The following THSD1 variants were observed in gnomAD, a reference collection of about 807,000 sequenced individuals.
THSD1 encodes thrombospondin type 1 domain containing 1.
In THSD1, 34 loss-of-function variants were observed where a neutral mutation model predicts 46.3. That is an observed-to-expected ratio of 0.74 (90% confidence interval 0.56 to 0.98). The LOEUF is 0.98. Ranked by LOEUF, THSD1 falls within the 50% of genes least tolerant of loss-of-function variation. The pLI is 0.00. For synonymous variants in THSD1, 407 were observed against 416.5 expected (o/e 0.98, Z 0.28); for missense variants, 1,023 against 1,058.3 (o/e 0.97, Z 0.46).
chr13:52,396,462 C>T (rs771710550), intron 3 of THSD1, among the ~76,000 whole-genome samples: 1 of 152,092 alleles, frequency 6.6e-6, no homozygotes, highest in Non-Finnish European at 1.5e-5. Flanking sequence ...GCAGAGCTTG[C>T]AGTGAGCCGA....
chr13:52,396,614 A>C (rs2137743471), intron 3 of THSD1, among the ~76,000 whole-genome samples: 1 of 152,364 alleles, frequency 6.6e-6, no homozygotes, highest in African/African-American at 2.4e-5. Flanking sequence ...CTTTCCCCCA[A>C]GAAAAGGGAA....
chr13:52,399,285 G>A (rs897742608), intron 2 of THSD1, among the ~76,000 whole-genome samples: 1 of 152,140 alleles, frequency 6.6e-6, no homozygotes, highest in Non-Finnish European at 1.5e-5. Context: ...TTTCTATTTT[G>A]AATCCCATCC....
chr13:52,403,921 TC>T (rs1394875120), intron 1 of THSD1, among the ~76,000 whole-genome samples: 1 of 147,018 alleles, frequency 6.8e-6, no homozygotes. Context: ...ATGTTTAAGG[TC>T]CCCCCCATTA....
chr13:52,390,906 G>GA lies in THSD1; in HGVS notation c.1022-4721dup, dbSNP rs1443039876. ...ATAAAAATTCCACTAGTGAGGATCA[G>GA]AAAAAAAATCAGTTTTGATTTAAAA... On this transcript the variant is annotated intron_variant, in intron 3 of 4. Transcript: ENST00000258613. Among the ~76,000 whole-genome samples, 5 of 151,290 alleles carry GA rather than the reference G, an allele frequency of 3.3e-5. No individual in the cohort carries two copies. In the East Asian group the frequency reaches 5.8e-4, roughly 18 times the overall value.
intron 4 of THSD1, 102 bp downstream of exon 4, chr13:52,385,926 A>G: frequency 9.4e-7 from 1 of 1,059,618 alleles, no homozygotes; most frequent in Non-Finnish European, 1.4e-6. Context: ...TAATGAGTCT[A>G]CTCCTGATCT....
intron 1 of THSD1, among the ~76,000 whole-genome samples, chr13:52,403,334 A>G (rs957603518): frequency 8.5e-5 from 13 of 152,160 alleles, no homozygotes; most frequent in Non-Finnish European, 1.9e-4. Context: ...AATAACAATC[A>G]TCTTCATCAG....
chr13:52,378,385 T>A lies in THSD1; in HGVS notation c.1585A>T (p.Ser529Cys), dbSNP rs747345437. ...AACTGCTGCTGGGCAAGGCGGTAGC[T>A]GAACAGAGGTGGGATTATCTTCTGG... Reference protein sequence around the residue: ...NAQKIIPPLFSYRLAQQQLKE... With the variant: ...NAQKIIPPLFCYRLAQQQLKE... The change falls in exon 5 of 5, where the codon AGC becomes TGC. Residue 529 changes from serine (S) to cysteine (C), a missense_variant. By Grantham distance (112) the Ser-to-Cys change is moderately radical (BLOSUM62 -1). Coordinates refer to ENST00000258613, the MANE Select transcript of THSD1 (RefSeq NM_018676.4). 1.2e-6 allele frequency: 2 copies of A among 1,614,090 alleles called. No individual in the cohort carries two copies. Among genetic ancestry groups the A allele is most frequent in the Admixed American group, 3.3e-5 (2 of 60,020 alleles).
chr13:52,397,192 A>G, intron 3 of THSD1, 40 bp downstream of exon 3: 1 of 1,475,210 alleles, frequency 6.8e-7, no homozygotes, highest in South Asian at 1.4e-5. Context: ...GATTACATGA[A>G]GGATTTGATT....
At chr13:52,382,075 A>G (rs1395970255) in intron 4 of THSD1, among the ~76,000 whole-genome samples, 2 of 152,210 alleles carry the variant, frequency 1.3e-5, no homozygotes, top group South Asian at 4.1e-4. Flanking sequence ...TTTAGAGAGA[A>G]GAGCATGAAT....
At position 52,377,983 on chromosome 13, in the gene THSD1, G is replaced by C. The variant is rs551386140; in HGVS notation, c.1987C>G (p.Arg663Gly). The change falls in exon 5 of 5, where the codon CGG becomes GGG. Residue 663 changes from arginine (R) to glycine (G), a missense_variant. By Grantham distance (125) the Arg-to-Gly change is moderately radical. This residue lies in a region of THSD1 where 578 missense variants were observed against 497.4 expected (regional missense o/e 1.16). Transcript: ENST00000258613. ...TASFHEARQARPFRERSMSTL... is the reference protein window; with the variant it reads ...TASFHEARQAGPFRERSMSTL... ...GACATGCTCCTCTCTCGGAACGGCCGGGCCTGCCTGGCTTCATGGAAACTC... is the reference window on the plus strand; with the variant it reads ...GACATGCTCCTCTCTCGGAACGGCCCGGCCTGCCTGGCTTCATGGAAACTC... The C allele has an allele frequency of 8.1e-6, 13 of 1,614,112 alleles. No individual in the cohort carries two copies. The Admixed American group carries it at 1.3e-4, about 17-fold the overall frequency.
intron 1 of THSD1, 198 bp from the exon 2 acceptor site, chr13:52,402,879 A>G (rs1345246526): frequency 1.0e-6 from 1 of 985,184 alleles, no homozygotes; most frequent in Non-Finnish European, 1.2e-6. Context: ...TCACAGGTCA[A>G]GAATATGCAG....
In THSD1 at chr13:52,402,528, A is replaced by G. The variant is rs771290841; in HGVS notation, c.58+15T>C. The G allele has an allele frequency of 1.2e-6, 2 of 1,610,684 alleles. No individual in the cohort carries two copies. The highest frequency in any genetic ancestry group is 1.7e-6 in the Non-Finnish European group (2 of 1,177,126). ...TATTGCTACCAGTAGCGTTAAGTAT[A>G]CTCACAATACTCACCATAGTCACAG... is the stretch of plus-strand genomic sequence containing the variant. On this transcript the variant is annotated intron_variant, in intron 2 of 4. Coordinates refer to ENST00000258613, the MANE Select transcript of THSD1 (RefSeq NM_018676.4).
chr13:52,378,683 G>A lies in THSD1; in HGVS notation c.1287C>T (p.Ala429=). Residue 429 remains alanine, a synonymous_variant, in exon 5 of 5, where the codon GCC becomes GCT. Transcript: ENST00000258613. ...TCCTCCACAGCGTGATGAGCACAGT[G>A]GCAATGATGATGAACAAGCACAAGG... The part of the protein sequence containing the change: ...GISLCLFIII[A]TVLITLWRRF... 1 of 1,614,080 alleles carries A rather than the reference G, an allele frequency of 6.2e-7. No individual in the cohort carries two copies. The highest frequency in any genetic ancestry group is 1.3e-5 in the African/African-American group (1 of 75,014).
intron 3 of THSD1, among the ~76,000 whole-genome samples, chr13:52,395,676 A>C (rs1267690442): frequency 1.3e-5 from 2 of 152,184 alleles, no homozygotes; most frequent in African/African-American, 4.8e-5. Context: ...GAGACTGTGA[A>C]GAAGCAAGCA....
chr13:52,401,368 C>G (rs998223924), intron 2 of THSD1, among the ~76,000 whole-genome samples: 1 of 151,754 alleles, frequency 6.6e-6, no homozygotes, highest in African/African-American at 2.4e-5. Flanking sequence ...GGTGCGATCT[C>G]GGCTCACTGC....
Position 52,378,788 on chromosome 13 carries a change from A to G in THSD1, c.1182T>C (p.Ala394=). The G allele has an allele frequency of 6.6e-7, 1 of 1,523,332 alleles. No homozygotes were observed. The highest frequency in any genetic ancestry group is 8.8e-7 in the Non-Finnish European group (1 of 1,137,742). 94.4% of individuals were successfully genotyped at this position (1,523,332 alleles called of 1,614,324 possible). ...GAGGAGATGGGCTGGATGGCTGGAA[A>G]GCTGCAAAAAAAAACAAAACAAAAC... ...ASLCSLEECA[A]FQPSSPSPLQ... Residue 394 remains alanine (A), a splice_region_variant and synonymous_variant, in exon 5 of 5, where the codon GCT becomes GCC. Coordinates refer to ENST00000258613, the MANE Select transcript of THSD1 (RefSeq NM_018676.4).
At chr13:52,391,942 C>T (rs1186461470) in intron 3 of THSD1, among the ~76,000 whole-genome samples, 2 of 151,894 alleles carry the variant, frequency 1.3e-5, no homozygotes, top group African/African-American at 4.8e-5. Context: ...CCTGTAATCC[C>T]AGGACTTTGG....
At chr13:52,401,019 G>C (rs1018702001) in intron 2 of THSD1, among the ~76,000 whole-genome samples, 7 of 152,164 alleles carry the variant, frequency 4.6e-5, no homozygotes, top group African/African-American at 1.7e-4. Flanking sequence ...TTGTTGCCCA[G>C]GCTGGAGTGC....
chr13:52,382,880 T>C (rs1005199210), intron 4 of THSD1, among the ~76,000 whole-genome samples: 2 of 152,048 alleles, frequency 1.3e-5, no homozygotes, highest in Non-Finnish European at 2.9e-5. Flanking sequence ...TGTGCACCTG[T>C]AGTCCCAGCT....
Sources: gnomAD v4.1 joint callset for allele counts (sites outside exome capture counted in the v4.1 genomes callset) on GRCh38, gnomAD v4.1.1 for gene constraint, gnomAD v4.1.1 regional missense constraint, MANE v1.5 for transcripts, NCBI Gene and HGNC (gene_info 2026-07-23, HGNC 2026-07-21) for gene names.